NAT1: variants seen among roughly 807,000 people sequenced by gnomAD.
NAT1 encodes the protein N-acetyltransferase 1.
For missense variants in NAT1, 400 were observed against 339.2 expected, an observed-to-expected ratio of 1.18 and a Z score of -1.41; for synonymous variants, 144 against 122.6, an observed-to-expected ratio of 1.17 and a Z score of -1.16.
At chr8:18,172,408 C>T (rs963092941) in intron 2 of NAT1, among the ~76,000 whole-genome samples, 3 of 152,218 alleles carry the variant, frequency 2.0e-5, no homozygotes, top group African/African-American at 7.2e-5. Context: ...CAGTGACCTT[C>T]TGATCACTAG....
chr8:18,184,350 G>A (rs1443369071), intron 2 of NAT1, among the ~76,000 whole-genome samples: 1 of 152,102 alleles, frequency 6.6e-6, no homozygotes, highest in African/African-American at 2.4e-5. Context: ...AGCAGCCCAC[G>A]GAGGGCGCCC....
chr8:18,202,214 G>A (rs190131173), intron 2 of NAT1, among the ~76,000 whole-genome samples: 1 of 152,130 alleles, frequency 6.6e-6, no homozygotes, highest in African/African-American at 2.4e-5. Flanking sequence ...CTTTGCCTCA[G>A]CAAATAATGG....
chr8:18,174,862 G>C (rs1172874575), intron 2 of NAT1, among the ~76,000 whole-genome samples: 4 of 152,024 alleles, frequency 2.6e-5, no homozygotes, highest in Non-Finnish European at 5.9e-5. Flanking sequence ...GAACTCTCAT[G>C]CTTATATAGC....
At chr8:18,190,725 A>G (rs1408412828) in intron 2 of NAT1, among the ~76,000 whole-genome samples, 1 of 152,164 alleles carries the variant, frequency 6.6e-6, no homozygotes, top group Non-Finnish European at 1.5e-5. Flanking sequence ...CCTGACATCC[A>G]GTTGTCATAC....
chr8:18,202,740 A>C (rs1392395744), intron 2 of NAT1, among the ~76,000 whole-genome samples: 1 of 152,188 alleles, frequency 6.6e-6, no homozygotes, highest in East Asian at 1.9e-4. Flanking sequence ...TGAGTGTTAC[A>C]GCTTACAAAG....
At chr8:18,201,177 A>T (rs1035829704) in intron 2 of NAT1, 1 of 152,228 alleles carries the variant, frequency 6.6e-6, no homozygotes, top group Non-Finnish European at 1.5e-5. Flanking sequence ...AATGAAGGCC[A>T]AGGTGACATT....
chr8:18,206,411 T>C (rs1803721896), upstream of NAT1, among the ~76,000 whole-genome samples: 1 of 152,328 alleles, frequency 6.6e-6, no homozygotes, highest in African/African-American at 2.4e-5. Context: ...TAGTCAGCCA[T>C]CTTGCCCCCG....
intron 2 of NAT1, among the ~76,000 whole-genome samples, chr8:18,182,984 A>G (rs546545797): frequency 2.6e-5 from 4 of 152,330 alleles, no homozygotes; most frequent in South Asian, 4.1e-4. Flanking sequence ...ATGCTATTAT[A>G]AAGTCTGTTT....
At chr8:18,192,417 T>C (rs1803031235) in intron 2 of NAT1, among the ~76,000 whole-genome samples, 1 of 152,208 alleles carries the variant, frequency 6.6e-6, no homozygotes, top group Non-Finnish European at 1.5e-5. Flanking sequence ...TCAACCATTG[T>C]GGAAGTCAGT....
rs984305563 is a variant in NAT1, at chr8:18,216,802, G to A, written c.-85-2609G>A. The A allele has an allele frequency of 9.8e-6, 8 of 819,728 alleles. No individual in the cohort carries two copies. The African/African-American group carries it at 1.4e-4, about 14-fold the overall frequency. The allele number at this position is 819,728 out of a possible 1,614,324, so 50.8% of individuals were successfully genotyped here. ...AGATACTGGGTATGATGAGAATTTA[G>A]AAGGGTCTCAATAGGATGTGGCACA... On this transcript the variant is annotated intron_variant, in intron 1 of 2. Coordinates refer to ENST00000307719, the MANE Select transcript of NAT1 (RefSeq NM_000662.8).
intron 2 of NAT1, among the ~76,000 whole-genome samples, chr8:18,190,179 T>C (rs1040517493): frequency 6.6e-6 from 1 of 152,208 alleles, no homozygotes; most frequent in African/African-American, 2.4e-5. Context: ...TTAATCCCAT[T>C]ATACATAGAA....
rs905289016 is a variant in NAT1, at chr8:18,182,428, T to C, written n.92+11689T>C. Among the ~76,000 whole-genome samples, 24 of 152,240 alleles carry C rather than the reference T, an allele frequency of 1.6e-4. 1 individual carries two copies. Among genetic ancestry groups the C allele is most frequent in the Middle Eastern group, 3.2e-3 (1 of 316 alleles). On this transcript the variant is annotated intron_variant and non_coding_transcript_variant, in intron 2 of 4. Coordinates refer to the NAT1 transcript ENST00000517441. ...TGAAGATTTTCTGCACTGATGTTTA[T>C]TGGAAGCTTTATTGTTTTACCTTTT...
chr8:18,185,600 A>G (rs1802701934), intron 2 of NAT1, among the ~76,000 whole-genome samples: 1 of 152,148 alleles, frequency 6.6e-6, no homozygotes, highest in Non-Finnish European at 1.5e-5. Context: ...CTTTAAAAAC[A>G]AAACAAATCT....
At chr8:18,171,009 G>A (rs764988595) in intron 2 of NAT1, among the ~76,000 whole-genome samples, 3 of 152,088 alleles carry the variant, frequency 2.0e-5, no homozygotes, top group Non-Finnish European at 4.4e-5. Flanking sequence ...GGATTCAACA[G>A]TTAACTAGAT....
In NAT1 at chr8:18,222,084, A is replaced by G; in HGVS notation, c.37A>G (p.Lys13Glu). The G allele has an allele frequency of 6.2e-7, 1 of 1,614,010 alleles. No homozygotes were observed. The highest frequency in any genetic ancestry group is 1.1e-5 in the South Asian group (1 of 91,056). Reference sequence around the variant, plus strand: ...AGCATATCTTGAAAGAATTGGCTATAAGAAGTCTAGGAACAAATTGGACTT... The same window carrying G: ...AGCATATCTTGAAAGAATTGGCTATGAGAAGTCTAGGAACAAATTGGACTT... ...IEAYLERIGY[K>E]KSRNKLDLET... is the part of the protein sequence containing the mutation. Residue 13 changes from lysine to glutamate, a missense_variant, in exon 3 of 3, where the codon AAG becomes GAG. By Grantham distance (56) the Lys-to-Glu change is moderately conservative (BLOSUM62 1). Coordinates refer to ENST00000307719, the MANE Select transcript of NAT1 (RefSeq NM_000662.8).
At chr8:18,187,938 C>G (rs996158705) in intron 2 of NAT1, among the ~76,000 whole-genome samples, 1 of 45,834 alleles carries the variant, frequency 2.2e-5, no homozygotes, top group East Asian at 3.7e-4. Context: ...GTATCTTAAA[C>G]ACACACACAC....
Position 18,222,510 on chromosome 8 carries a change from G to T in NAT1, c.463G>T (p.Glu155Ter). 1 of 1,614,126 alleles carries T rather than the reference G, an allele frequency of 6.2e-7. No homozygotes were observed. Among genetic ancestry groups the T allele is most frequent in the Non-Finnish European group, 8.5e-7 (1 of 1,180,014 alleles). Residue 155 changes from glutamate (E) to a stop codon, truncating the protein, a stop_gained, in exon 3 of 3, where the codon GAG (glutamate) becomes TAG (stop). Coordinates refer to ENST00000307719, the MANE Select transcript of NAT1 (RefSeq NM_000662.8). LOFTEE classifies it low-confidence loss of function (END_TRUNC). ...GCCTTGTGTCTTCCGTTTGACGGAAGAGAATGGATTCTGGTATCTAGACCA... is the reference window on the plus strand; with the variant it reads ...GCCTTGTGTCTTCCGTTTGACGGAATAGAATGGATTCTGGTATCTAGACCA... ...QVPCVFRLTE[E>*]NGFWYLDQIR...
At chr8:18,219,337 G>A (rs1805038129) in intron 1 of NAT1, 74 bp from the exon 2 acceptor site, 2 of 977,212 alleles carry the variant, frequency 2.0e-6, no homozygotes, top group South Asian at 1.6e-5. Flanking sequence ...ATAATTTACG[G>A]TCTACAAAAC....
intron 2 of NAT1, among the ~76,000 whole-genome samples, chr8:18,204,017 G>A (rs1803591627): frequency 6.6e-6 from 1 of 152,198 alleles, no homozygotes; most frequent in East Asian, 1.9e-4. Context: ...AAATTAGGGT[G>A]GGGCAACCAG....
Sources: gnomAD v4.1 joint callset for allele counts (sites outside exome capture counted in the v4.1 genomes callset) on GRCh38, gnomAD v4.1.1 for gene constraint, MANE v1.5 for transcripts, NCBI Gene and HGNC (gene_info 2026-07-23, HGNC 2026-07-21) for gene names.